Variants in LINC01488 observed in about 807,000 individuals in gnomAD.
The protein encoded by LINC01488 is long independently transcribed non-coding RNA 1488.
intron 1 of LINC01488, among the ~76,000 whole-genome samples, chr11:69,482,064 A>T (rs1042039851): frequency 9.2e-5 from 14 of 151,826 alleles, no homozygotes; most frequent in African/African-American, 3.1e-4. Flanking sequence ...TCATGCTGCT[A>T]ACAAAGACAT....
chr11:69,483,050 G>T (rs1857063950), intron 1 of LINC01488, among the ~76,000 whole-genome samples: 1 of 152,166 alleles, frequency 6.6e-6, no homozygotes, highest in South Asian at 2.1e-4. Flanking sequence ...AATTGTGGGG[G>T]GATGTGATTC....
At position 69,482,000 on chromosome 11, in the gene LINC01488, C is replaced by T. The variant is rs747523683; in HGVS notation, n.122+217C>T. 7.4e-5 allele frequency among the ~76,000 whole-genome samples: 11 copies of T among 148,782 alleles called. No homozygotes were observed. The South Asian group carries it at 8.7e-4, about 12-fold the overall frequency. On this transcript the variant is annotated intron_variant and non_coding_transcript_variant, in intron 1 of 3. Transcript: ENST00000644563. ...GTGGATGGATGGATGAGTGGATGGA[C>T]GGACAGATGGATGGATGGATGGATG...
At chr11:69,489,643 C>T (rs1421978276) in intron 1 of LINC01488, among the ~76,000 whole-genome samples, 1 of 152,240 alleles carries the variant, frequency 6.6e-6, no homozygotes, top group Non-Finnish European at 1.5e-5. Context: ...AGCGGGTGCT[C>T]CAAGGGCCGA....
chr11:69,489,590 C>T (rs1857184292), intron 1 of LINC01488, among the ~76,000 whole-genome samples: 1 of 152,264 alleles, frequency 6.6e-6, no homozygotes, highest in South Asian at 2.1e-4. Flanking sequence ...GCAGTGGGAA[C>T]GTGCTCCTGC....
chr11:69,486,254 G>A (rs1857114342), intron 1 of LINC01488: 1 of 152,300 alleles, frequency 6.6e-6, no homozygotes, highest in Admixed American at 6.5e-5. Flanking sequence ...GCTTTGGGAA[G>A]AAATCCTGCC....
chr11:69,490,163 A>G (rs1857196133), intron 1 of LINC01488, among the ~76,000 whole-genome samples: 1 of 152,160 alleles, frequency 6.6e-6, no homozygotes, highest in Non-Finnish European at 1.5e-5. Flanking sequence ...CCAGGGTTGG[A>G]GTGAAGCTGT....
intron 1 of LINC01488, among the ~76,000 whole-genome samples, chr11:69,489,172 C>A (rs2134973712): frequency 6.6e-6 from 1 of 152,184 alleles, no homozygotes; most frequent in South Asian, 2.1e-4. Flanking sequence ...AGGGAGCAGT[C>A]CAGGGGTCTC....
chr11:69,489,559 G>A (rs1431059086), intron 1 of LINC01488, among the ~76,000 whole-genome samples: 1 of 152,248 alleles, frequency 6.6e-6, no homozygotes, highest in Non-Finnish European at 1.5e-5. Context: ...CGGAGGCTTG[G>A]CTTGTTAAGA....
intron 1 of LINC01488, among the ~76,000 whole-genome samples, chr11:69,482,207 G>C (rs901094945): frequency 6.6e-6 from 1 of 152,230 alleles, no homozygotes. Context: ...GCAGGCAAGA[G>C]AGCATGTGCA....
At chr11:69,487,100 C>T (rs1857135160) in intron 1 of LINC01488, among the ~76,000 whole-genome samples, 1 of 152,244 alleles carries the variant, frequency 6.6e-6, no homozygotes, top group Non-Finnish European at 1.5e-5. Flanking sequence ...GCGGCTGCCG[C>T]CTCCCGCAGG....
chr11:69,486,898 G>A (rs1449542984), intron 1 of LINC01488, among the ~76,000 whole-genome samples: 1 of 152,206 alleles, frequency 6.6e-6, no homozygotes, highest in African/African-American at 2.4e-5. Context: ...AGGGAAATGT[G>A]GATGTCAGCT....
At chr11:69,486,156 CATG>C (rs1183213024) in intron 1 of LINC01488, 2 of 152,220 alleles carry the variant, frequency 1.3e-5, no homozygotes, top group African/African-American at 4.8e-5. Flanking sequence ...ATGGAGTTTC[CATG>C]ATAACTGTGG....
At chr11:69,481,895 G>GTGGA (rs1287882832) in intron 1 of LINC01488, 6 of 151,894 alleles carry the variant, frequency 4.0e-5, no homozygotes, top group Admixed American at 1.3e-4. Context: ...GATTGAATGG[G>GTGGA]TGGATGGATG....
chr11:69,484,083 G>A (rs537505994), intron 1 of LINC01488, among the ~76,000 whole-genome samples: 78 of 152,352 alleles, frequency 5.1e-4, no homozygotes, highest in African/African-American at 1.8e-3. Context: ...AGGGCCCTAG[G>A]TACCTGCTGT....
intron 1 of LINC01488, among the ~76,000 whole-genome samples, chr11:69,482,678 A>G (rs999311015): frequency 1.3e-5 from 2 of 152,206 alleles, no homozygotes; most frequent in Admixed American, 1.3e-4. Context: ...AGGAAGAGAG[A>G]GAAGAAAGTT....
At chr11:69,489,552 A>G (rs1857182974) in intron 1 of LINC01488, among the ~76,000 whole-genome samples, 2 of 152,224 alleles carry the variant, frequency 1.3e-5, no homozygotes, top group East Asian at 3.9e-4. Context: ...CTGGAGCCGG[A>G]GGCTTGGCTT....
chr11:69,490,744 C>T (rs1857207499), intron 2 of LINC01488: 1 of 152,248 alleles, frequency 6.6e-6, no homozygotes, highest in South Asian at 2.1e-4. Context: ...GTGGGAGTCG[C>T]TGGTCCCCAG....
chr11:69,488,041 A>T (rs1857152885), intron 1 of LINC01488: 1 of 152,416 alleles, frequency 6.6e-6, no homozygotes, highest in Non-Finnish European at 1.5e-5. Context: ...GCCCAGTGGC[A>T]GGAAGAGGGT....
chr11:69,486,426 T>C lies in LINC01488; in HGVS notation n.123-4069T>C, dbSNP rs4980660. On this transcript the variant is annotated intron_variant and non_coding_transcript_variant, in intron 1 of 3. Coordinates refer to ENST00000644563, the Ensembl canonical transcript of LINC01488. ...CTGCCCACTGGGGCCTCCAGGTTCA[T>C]CTCCCCAGGTGTTGCCTGAGCTTGG... 0.031 allele frequency among the ~76,000 whole-genome samples: 4,744 copies of C among 152,276 alleles called. 532 individuals are homozygous for C. In the East Asian group the frequency reaches 0.41, roughly 13 times the overall value.
Sources: allele counts gnomAD v4.1 joint callset (sites outside exome capture counted in the v4.1 genomes callset), GRCh38; gene constraint gnomAD v4.1.1; transcripts MANE v1.5; gene names NCBI Gene and HGNC (gene_info 2026-07-23, HGNC 2026-07-21).